Variants in EIF4B observed in about 807,000 individuals in gnomAD.
EIF4B encodes eukaryotic translation initiation factor 4B.
Under a neutral mutation model 79.3 loss-of-function variants are expected in EIF4B, and 8 were observed. The ratio of observed to expected loss-of-function variants is 0.10; its 90% CI spans 0.06 to 0.18. EIF4B has a LOEUF of 0.18. Among genes scored for constraint, EIF4B ranks in the 10% least tolerant of loss-of-function variants. The probability of loss-of-function intolerance (pLI) is 1.00; values close to 1 mark genes in which losing one functional copy is unlikely to be tolerated. For synonymous variants in EIF4B, 238 were observed against 274.7 expected (o/e 0.87, Z 1.32); for missense variants, 515 against 792.4 (o/e 0.65, Z 4.20).
intron 1 of EIF4B, chr12:53,012,343 T>A (rs371668585): frequency 6.6e-5 from 10 of 151,628 alleles, no homozygotes; most frequent in African/African-American, 2.4e-4. Flanking sequence ...TCACCTGGGG[T>A]TGGGAGTTGG....
rs1358378389 is a variant in EIF4B at position 53,040,549 on chromosome 12, T to C, written c.*326T>C. The C allele has an allele frequency of 1.6e-5, 3 of 190,420 alleles. No individual in the cohort carries two copies. The highest frequency in any genetic ancestry group is 3.2e-5 in the Non-Finnish European group (3 of 92,588). The allele number at this position is 190,420 out of a possible 1,614,324, so 11.8% of individuals were successfully genotyped here. A position where few individuals can be genotyped will look rare whatever the true frequency, so the allele number is the denominator to read the frequency against. ...CATTTAGCAGAAATGGTAATGACAG[T>C]GATATAATGCCTGGAACCTGGTTGG... is the stretch of plus-strand genomic sequence containing the variant. On this transcript the variant is annotated 3_prime_UTR_variant, in exon 15 of 15. Coordinates refer to ENST00000262056, the MANE Select transcript of EIF4B (RefSeq NM_001417.7).
chr12:53,024,470 G>A (rs941389607), intron 6 of EIF4B, among the ~76,000 whole-genome samples: 4 of 152,134 alleles, frequency 2.6e-5, no homozygotes, highest in Admixed American at 1.3e-4. Context: ...GGTGGGGATA[G>A]GGAAAATTCT....
chr12:53,029,384 T>A lies in EIF4B; in HGVS notation c.979+1196T>A, dbSNP rs1009678979. Among the ~76,000 whole-genome samples, 12 of 151,206 alleles carry A rather than the reference T, an allele frequency of 7.9e-5. No individual in the cohort carries two copies. In the East Asian group the frequency reaches 1.9e-3, roughly 24 times the overall value. Reference sequence around the variant, plus strand: ...CTATCCTTTTTTTATTTTATTTTTTTTTTTTTGAGACGGAGTCTTGCTCTG... The same window carrying A: ...CTATCCTTTTTTTATTTTATTTTTTATTTTTTGAGACGGAGTCTTGCTCTG... On this transcript the variant is annotated intron_variant, in intron 8 of 14. Transcript: ENST00000262056.
At chr12:53,012,866 A>G (rs1414148653) in intron 1 of EIF4B, among the ~76,000 whole-genome samples, 1 of 152,112 alleles carries the variant, frequency 6.6e-6, no homozygotes, top group African/African-American at 2.4e-5. Context: ...TCGGCCTCCC[A>G]AAGTGCTGGG....
chr12:53,018,331 C>T (rs571054363), intron 2 of EIF4B, among the ~76,000 whole-genome samples: 1 of 152,156 alleles, frequency 6.6e-6, no homozygotes, highest in Non-Finnish European at 1.5e-5. Flanking sequence ...GAAAAATACT[C>T]AACTTCAAAC....
rs551510745 is a variant in EIF4B at position 53,021,866 on chromosome 12, G to A, written c.532+6G>A. On this transcript the variant is annotated splice_donor_region_variant and intron_variant, in intron 5 of 14. Coordinates refer to ENST00000262056, the MANE Select transcript of EIF4B (RefSeq NM_001417.7). ...TGATCAAGCACAGGATAAAGGTAAG[G>A]AAACTGGTAGAGATTTCTGTTTGGT... 6.2e-7 allele frequency: 1 copy of A among 1,614,176 alleles called. No individual in the cohort carries two copies. The highest frequency in any genetic ancestry group is 1.3e-5 in the African/African-American group (1 of 75,060).
intron 11 of EIF4B, 72 bp downstream of exon 11, chr12:53,037,694 T>G (rs1257711175): frequency 6.6e-7 from 1 of 1,526,086 alleles, no homozygotes; most frequent in African/African-American, 1.4e-5. Context: ...ATGGAAGATC[T>G]CCTACGGGAT....
chr12:53,015,680 C>CAAA (rs35255041), intron 1 of EIF4B, among the ~76,000 whole-genome samples: 3 of 143,654 alleles, frequency 2.1e-5, no homozygotes, highest in East Asian at 2.0e-4. Flanking sequence ...GACCCTGTCT[C>CAAA]AAAAAAAAAA....
chr12:53,009,499 A>AC (rs1943026341), intron 1 of EIF4B, among the ~76,000 whole-genome samples: 1 of 128,660 alleles, frequency 7.8e-6, no homozygotes, highest in Non-Finnish European at 1.6e-5. Flanking sequence ...CGTCTCAAAA[A>AC]AAAAAAACAA....
chr12:53,008,546 A>G (rs751042877), intron 1 of EIF4B: 6 of 152,198 alleles, frequency 3.9e-5, no homozygotes, highest in Non-Finnish European at 8.8e-5. Context: ...TACATAAAAC[A>G]ACTTCATACG....
intron 6 of EIF4B, among the ~76,000 whole-genome samples, chr12:53,026,720 T>A (rs1943340614): frequency 6.6e-6 from 1 of 152,030 alleles, no homozygotes. Context: ...TTCCACCTCA[T>A]CCTCCCAAGT....
intron 13 of EIF4B, 69 bp downstream of exon 13, chr12:53,039,412 G>C (rs1943592524): frequency 8.1e-6 from 11 of 1,356,058 alleles, no homozygotes; most frequent in South Asian, 5.4e-5. Context: ...TTAAGTTCTT[G>C]GTTCTCAGAG....
intron 1 of EIF4B, among the ~76,000 whole-genome samples, chr12:53,011,401 G>A (rs1190318009): frequency 6.6e-6 from 1 of 152,040 alleles, no homozygotes; most frequent in Non-Finnish European, 1.5e-5. Flanking sequence ...TTTATTTATT[G>A]AAGTGAAACA....
intron 1 of EIF4B, among the ~76,000 whole-genome samples, chr12:53,015,806 G>A (rs1814983): frequency 0.83 from 125,543 of 151,638 alleles, 53,711 homozygotes; most frequent in East Asian, 0.97. Context: ...GTGAAACCCC[G>A]TCTCTACTAA....
At chr12:53,011,219 A>G (rs753474238) in intron 1 of EIF4B, among the ~76,000 whole-genome samples, 2 of 152,158 alleles carry the variant, frequency 1.3e-5, no homozygotes, top group African/African-American at 4.8e-5. Context: ...GTGAGCCATT[A>G]TCTCACTACT....
chr12:53,029,120 C>CAA lies in EIF4B; in HGVS notation c.979+943_979+944dup, dbSNP rs35596570. On this transcript the variant is annotated intron_variant, in intron 8 of 14. Transcript: ENST00000262056. ...AGCCTGGGCGACAGTGAGACTGTCT[C>CAA]AAAAAAAAAAAAGGATTGCTTTCTG... Among the ~76,000 whole-genome samples the CAA allele has an allele frequency of 5.1e-3, 736 of 144,982 alleles. 2 individuals carry two copies. Among genetic ancestry groups the CAA allele is most frequent in the East Asian group, 9.4e-3 (47 of 4,976 alleles).
chr12:53,022,713 C>T, intron 6 of EIF4B, 86 bp downstream of exon 6: 1 of 1,472,330 alleles, frequency 6.8e-7, no homozygotes, highest in Non-Finnish European at 9.1e-7. Context: ...ATGATCAGAT[C>T]ACATTAACAG....
chr12:53,038,680 T>C (rs1312263820), intron 12 of EIF4B: 4 of 182,504 alleles, frequency 2.2e-5, no homozygotes, highest in Non-Finnish European at 4.6e-5. Flanking sequence ...CCGGGTGTGG[T>C]GGCACATGCC....
chr12:53,020,172 C>A, intron 4 of EIF4B, 146 bp downstream of exon 4: 2 of 613,328 alleles, frequency 3.3e-6, no homozygotes, highest in South Asian at 2.2e-5. Context: ...AACAGTGTAT[C>A]ACTTAACATC....
Sources: allele counts gnomAD v4.1 joint callset (sites outside exome capture counted in the v4.1 genomes callset), GRCh38; gene constraint gnomAD v4.1.1; transcripts MANE v1.5; gene names NCBI Gene and HGNC (gene_info 2026-07-23, HGNC 2026-07-21).